The following NEGR1 variants were observed in gnomAD, a reference collection of about 807,000 sequenced individuals.
The protein encoded by NEGR1 is neuronal growth regulator 1.
NEGR1 carries 10 observed loss-of-function variants against 40.9 expected under a neutral mutation model. The ratio of observed to expected loss-of-function variants is 0.24; its 90% CI spans 0.15 to 0.42. The LOEUF (loss-of-function observed/expected upper bound fraction) is 0.42. NEGR1 is among the 10% of genes least tolerant of loss of function. The pLI is 1.00. For missense variants in NEGR1, 352 were observed against 438.9 expected (o/e 0.80, Z 1.77); for synonymous variants, 185 against 166.8 (o/e 1.11, Z -0.84).
intron 1 of NEGR1, among the ~76,000 whole-genome samples, chr1:72,249,763 G>A (rs1048499856): frequency 1.5e-4 from 22 of 142,570 alleles, no homozygotes; most frequent in Non-Finnish European, 2.9e-4. Context: ...TGCAGTTCCC[G>A]GCAAAGAAGA....
At chr1:71,971,769 T>C (rs1646258403) in intron 1 of NEGR1, among the ~76,000 whole-genome samples, 1 of 152,190 alleles carries the variant, frequency 6.6e-6, no homozygotes, top group Non-Finnish European at 1.5e-5. Context: ...TTAATCAAAA[T>C]ATGGTCACGT....
chr1:71,644,600 G>A (rs1439997949), intron 4 of NEGR1, among the ~76,000 whole-genome samples: 1 of 151,906 alleles, frequency 6.6e-6, no homozygotes, highest in African/African-American at 2.4e-5. Context: ...ATACATAGTT[G>A]TTGAATAAAT....
intron 3 of NEGR1, among the ~76,000 whole-genome samples, chr1:71,717,396 T>C (rs1243978308): frequency 2.0e-5 from 3 of 152,198 alleles, no homozygotes; most frequent in South Asian, 4.1e-4. Context: ...TTGTTCTTAG[T>C]ATTACTTTTT....
In NEGR1 at chr1:71,959,106, C is replaced by A. The variant is rs532154039; in HGVS notation, c.177-23795G>T. Among the ~76,000 whole-genome samples, 149 of 152,262 alleles carry A rather than the reference C, an allele frequency of 9.8e-4. 1 individual carries two copies. Among genetic ancestry groups the A allele is most frequent in the African/African-American group, 3.5e-3 (145 of 41,552 alleles). On this transcript the variant is annotated intron_variant, in intron 1 of 6. Coordinates refer to ENST00000357731, the MANE Select transcript of NEGR1 (RefSeq NM_173808.3). Reference sequence around the variant, plus strand: ...ATTATAATCTCATTAACTGCAGCAACACAAATGACAAAAGACAACTGATTT... The same window carrying A: ...ATTATAATCTCATTAACTGCAGCAAAACAAATGACAAAAGACAACTGATTT...
intron 6 of NEGR1, among the ~76,000 whole-genome samples, chr1:71,531,308 G>A (rs1647349728): frequency 6.6e-6 from 1 of 151,312 alleles, no homozygotes; most frequent in Admixed American, 6.6e-5. Flanking sequence ...AAGGTACTGT[G>A]TCCTTTTAAT....
intron 1 of NEGR1, among the ~76,000 whole-genome samples, chr1:72,111,511 T>C (rs920885279): frequency 5.4e-4 from 82 of 151,798 alleles, no homozygotes; most frequent in African/African-American, 1.8e-3. Context: ...ATTAAATCAA[T>C]TCATTTTAAA....
rs145880324 is a variant in NEGR1, at chr1:71,499,685, A to G, written c.941-92115T>C. On this transcript the variant is annotated intron_variant, in intron 6 of 6. Transcript: ENST00000357731. ...TCTTCCTGAGCCCTGACACAGCCAC[A>G]TGATCCTTCTTAACCTTTGCAGTAG... Among the ~76,000 whole-genome samples, 728 of 152,048 alleles carry G rather than the reference A, an allele frequency of 4.8e-3. 5 individuals are homozygous for G. Among genetic ancestry groups the G allele is most frequent in the African/African-American group, 0.017 (704 of 41,508 alleles).
chr1:72,038,867 A>C (rs1646927634), intron 1 of NEGR1, among the ~76,000 whole-genome samples: 3 of 152,058 alleles, frequency 2.0e-5, no homozygotes, highest in Admixed American at 6.6e-5. Context: ...CAGGTAATCA[A>C]AGAGCTCACT....
intron 3 of NEGR1, among the ~76,000 whole-genome samples, chr1:71,750,846 A>C (rs1301271965): frequency 6.6e-6 from 1 of 152,062 alleles, no homozygotes; most frequent in Non-Finnish European, 1.5e-5. Context: ...GTTTCATCAA[A>C]TCTCCATGTT....
intron 2 of NEGR1, among the ~76,000 whole-genome samples, chr1:71,927,749 C>T (rs1235773976): frequency 2.2e-5 from 3 of 135,030 alleles, no homozygotes; most frequent in African/African-American, 2.8e-5. Flanking sequence ...GGAGGCTGGC[C>T]GAGGTGGGTA....
At chr1:71,538,801 C>T (rs1647592874) in intron 6 of NEGR1, among the ~76,000 whole-genome samples, 1 of 151,720 alleles carries the variant, frequency 6.6e-6, no homozygotes, top group Non-Finnish European at 1.5e-5. Context: ...TTATAGCTAA[C>T]ATCAGAGTAC....
intron 1 of NEGR1, among the ~76,000 whole-genome samples, chr1:72,171,304 C>G (rs1338938823): frequency 6.6e-6 from 1 of 152,134 alleles, no homozygotes; most frequent in Non-Finnish European, 1.5e-5. Flanking sequence ...AATGCTATAT[C>G]TCTCTAAATT....
chr1:71,607,797 G>A (rs192637306), intron 5 of NEGR1, among the ~76,000 whole-genome samples: 19 of 152,130 alleles, frequency 1.2e-4, no homozygotes, highest in Admixed American at 8.5e-4. Flanking sequence ...GGGTTCAAGC[G>A]ATTCTCCTGC....
chr1:71,693,223 G>GA (rs61136334), intron 4 of NEGR1, among the ~76,000 whole-genome samples: 2,544 of 151,456 alleles, frequency 0.017, 61 homozygotes, highest in African/African-American at 0.058. Context: ...TATTTGGGGA[G>GA]AAAAAAACAG....
chr1:71,787,893 G>A (rs1300557594), intron 2 of NEGR1, among the ~76,000 whole-genome samples: 3 of 152,086 alleles, frequency 2.0e-5, no homozygotes, highest in Admixed American at 1.3e-4. Flanking sequence ...TTCACATTAC[G>A]TTGTTTGTTT....
intron 1 of NEGR1, among the ~76,000 whole-genome samples, chr1:72,159,494 T>C (rs1464496576): frequency 6.6e-6 from 1 of 152,276 alleles, no homozygotes; most frequent in African/African-American, 2.4e-5. Flanking sequence ...ACTCCAAGTA[T>C]AAAGTATTAT....
intron 4 of NEGR1, among the ~76,000 whole-genome samples, chr1:71,635,961 TA>T (rs891374848): frequency 5.9e-5 from 9 of 152,154 alleles, no homozygotes; most frequent in African/African-American, 7.2e-5. Context: ...TTTATAAAGT[TA>T]AAAAAATCAA....
At chr1:71,833,068 G>C (rs971544536) in intron 2 of NEGR1, among the ~76,000 whole-genome samples, 1 of 151,968 alleles carries the variant, frequency 6.6e-6, no homozygotes, top group South Asian at 2.1e-4. Context: ...GTGATACAGA[G>C]AGAATACATT....
At chr1:71,882,726 GAA>G (rs199916045) in intron 2 of NEGR1, among the ~76,000 whole-genome samples, 5 of 120,282 alleles carry the variant, frequency 4.2e-5, no homozygotes, top group African/African-American at 1.6e-4. Flanking sequence ...ATCGTCTTCA[GAA>G]AAAAAAAAAA....
Sources: gnomAD v4.1 joint callset for allele counts (sites outside exome capture counted in the v4.1 genomes callset) on GRCh38, gnomAD v4.1.1 for gene constraint, MANE v1.5 for transcripts, NCBI Gene and HGNC (gene_info 2026-07-23, HGNC 2026-07-21) for gene names.